EPHA7: variants seen among roughly 807,000 people sequenced by gnomAD.
The protein encoded by EPHA7 is ephrin type-A receptor 7.
In EPHA7, 25 loss-of-function variants were observed where a neutral mutation model predicts 112.6. The observed-to-expected ratio is 0.22, with a 90% CI of 0.16 to 0.31. The LOEUF is 0.31. Ranked by LOEUF, EPHA7 falls within the 10% of genes least tolerant of loss-of-function variation. The pLI is 1.00. For missense variants in EPHA7, 962 were observed against 1,212.6 expected, an observed-to-expected ratio of 0.79 and a Z score of 3.07; for synonymous variants, 437 against 406.5, an observed-to-expected ratio of 1.07 and a Z score of -0.90.
intron 5 of EPHA7, among the ~76,000 whole-genome samples, chr6:93,347,350 C>T (rs377271597): frequency 6.6e-6 from 1 of 151,780 alleles, no homozygotes; most frequent in East Asian, 1.9e-4. Context: ...AAAAACCTGT[C>T]TTGGACATTG....
chr6:93,400,507 T>C (rs1306306138), intron 3 of EPHA7, among the ~76,000 whole-genome samples: 1 of 152,084 alleles, frequency 6.6e-6, no homozygotes, highest in Non-Finnish European at 1.5e-5. Flanking sequence ...AACTCTCTTT[T>C]AGAAAGAATG....
Position 93,305,526 on chromosome 6 carries a change from C to T in EPHA7, c.1325-33104G>A, listed in dbSNP as rs528939787. On this transcript the variant is annotated intron_variant, in intron 5 of 16. Coordinates refer to ENST00000369303, the MANE Select transcript of EPHA7 (RefSeq NM_004440.4). ...AGCCTGTGTGAGAAAGAAATATTTCCTGGTAACCAAAGAAGCAAAATACAT... is the reference window on the plus strand; with the variant it reads ...AGCCTGTGTGAGAAAGAAATATTTCTTGGTAACCAAAGAAGCAAAATACAT... Among the ~76,000 whole-genome samples, 7 of 151,920 alleles carry T rather than the reference C, an allele frequency of 4.6e-5. No individual in the cohort carries two copies. In the South Asian group the frequency reaches 1.2e-3, roughly 27 times the overall value.
intron 5 of EPHA7, among the ~76,000 whole-genome samples, chr6:93,328,472 T>C (rs1774431934): frequency 6.6e-6 from 1 of 151,426 alleles, no homozygotes; most frequent in African/African-American, 2.4e-5. Flanking sequence ...AGGGAAAACA[T>C]TTCACTGGTG....
chr6:93,272,041 T>C (rs906712349), intron 6 of EPHA7, among the ~76,000 whole-genome samples: 1 of 151,776 alleles, frequency 6.6e-6, no homozygotes, highest in Non-Finnish European at 1.5e-5. Flanking sequence ...ATATCAGAAA[T>C]TGAATAAATA....
At chr6:93,357,948 C>T (rs934798415) in intron 4 of EPHA7, among the ~76,000 whole-genome samples, 2 of 152,108 alleles carry the variant, frequency 1.3e-5, no homozygotes, top group African/African-American at 2.4e-5. Context: ...GCATGAGCCA[C>T]CCTGCCTGAC....
chr6:93,289,457 A>T (rs1471215254), intron 5 of EPHA7, among the ~76,000 whole-genome samples: 1 of 150,622 alleles, frequency 6.6e-6, no homozygotes, highest in East Asian at 1.9e-4. Context: ...GTCTCTACTA[A>T]AAATACAAAA....
At chr6:93,292,460 G>A (rs541163660) in intron 5 of EPHA7, among the ~76,000 whole-genome samples, 1 of 151,980 alleles carries the variant, frequency 6.6e-6, no homozygotes, top group Non-Finnish European at 1.5e-5. Context: ...GAAGAGACAG[G>A]CAGAAATGCA....
At chr6:93,353,554 A>G (rs573832511) in intron 5 of EPHA7, among the ~76,000 whole-genome samples, 126 of 152,170 alleles carry the variant, frequency 8.3e-4, no homozygotes, top group Non-Finnish European at 1.5e-3. Context: ...TTCTGCAGAT[A>G]AAGAAATTGG....
rs1776195764 is a variant in EPHA7, at chr6:93,360,299, C to T, written c.833-1888G>A. ...TTTTTAAAATATTCATTGTATCTTGCTTTATGTATTATTTGTAATTCAAAG... is the reference window on the plus strand; with the variant it reads ...TTTTTAAAATATTCATTGTATCTTGTTTTATGTATTATTTGTAATTCAAAG... On this transcript the variant is annotated intron_variant, in intron 3 of 16. Transcript: ENST00000369303. 2.1e-5 allele frequency among the ~76,000 whole-genome samples: 3 copies of T among 146,136 alleles called. No individual in the cohort carries two copies. The Admixed American group carries it at 2.1e-4, about 10-fold the overall frequency.
At chr6:93,272,820 T>G (rs1334378987) in intron 5 of EPHA7, among the ~76,000 whole-genome samples, 1 of 152,010 alleles carries the variant, frequency 6.6e-6, no homozygotes, top group Non-Finnish European at 1.5e-5. Context: ...AAAAATAATT[T>G]AATATGATGC....
intron 10 of EPHA7, 138 bp from the exon 11 acceptor site, chr6:93,258,422 T>A: frequency 1.1e-6 from 1 of 934,074 alleles, no homozygotes; most frequent in Non-Finnish European, 1.6e-6. Context: ...CAAAAATACT[T>A]GGTAAAGCCC....
chr6:93,370,491 T>C (rs1216948235), intron 3 of EPHA7, among the ~76,000 whole-genome samples: 1 of 152,200 alleles, frequency 6.6e-6, no homozygotes, highest in African/African-American at 2.4e-5. Flanking sequence ...AACAGAAATA[T>C]CACTGATTCT....
rs991714700 is a variant in EPHA7, at chr6:93,374,073, C to T, written c.833-15662G>A. On this transcript the variant is annotated intron_variant, in intron 3 of 16. Transcript: ENST00000369303. Reference sequence around the variant, plus strand: ...AGAGAGCCTCAAAATAACATGAAGTCGCACTAGAGGTATTTAACCAGAGCT... The same window carrying T: ...AGAGAGCCTCAAAATAACATGAAGTTGCACTAGAGGTATTTAACCAGAGCT... 2.0e-5 allele frequency among the ~76,000 whole-genome samples: 3 copies of T among 152,138 alleles called. No homozygotes were observed. In the East Asian group the frequency reaches 5.8e-4, roughly 29 times the overall value.
intron 5 of EPHA7, among the ~76,000 whole-genome samples, chr6:93,309,885 T>C (rs1445621148): frequency 6.6e-6 from 1 of 152,164 alleles, no homozygotes; most frequent in Admixed American, 6.5e-5. Context: ...GAAAATAACA[T>C]TTTTTAATTT....
chr6:93,304,903 C>A (rs1033439538), intron 5 of EPHA7, among the ~76,000 whole-genome samples: 2 of 151,990 alleles, frequency 1.3e-5, no homozygotes, highest in Non-Finnish European at 2.9e-5. Context: ...TGCTTCCTTT[C>A]CTCTTCTACA....
At chr6:93,412,145 A>G (rs969895937) in intron 2 of EPHA7, among the ~76,000 whole-genome samples, 56 of 152,068 alleles carry the variant, frequency 3.7e-4, no homozygotes, top group African/African-American at 1.3e-3. Context: ...ACAATTATTA[A>G]TAATTTTCCC....
At position 93,358,375 on chromosome 6, in the gene EPHA7, T is replaced by A; in HGVS notation, c.869A>T (p.Asp290Val). ...GRGFYKSSSQ[D>V]LQCSRCPTHS... ...AGTTGGACAACGAGAGCACTGAAGA[T>A]CTTGAGAGGAAGACTTGTAGAACCC... Residue 290 changes from aspartate to valine, a missense_variant, in exon 4 of 17, where the codon GAT (aspartate) becomes GTT (valine). By Grantham distance (152) the Asp-to-Val change is radical. Around this residue, in one of 3 missense-constraint regions of EPHA7, gnomAD observed 746 missense variants for 889.2 expected, o/e 0.84. Transcript: ENST00000369303. 1 of 1,612,160 alleles carries A rather than the reference T, an allele frequency of 6.2e-7. No homozygotes were observed. The highest frequency in any genetic ancestry group is 8.5e-7 in the Non-Finnish European group (1 of 1,178,948).
Position 93,415,640 on chromosome 6 carries a change from C to G in EPHA7, c.98-873G>C, listed in dbSNP as rs80160964. ...CAATTACTCTTCTAAAGCACTCACTCTTTTGGTCAAACTGGTTTCAGAGTT... is the reference window on the plus strand; with the variant it reads ...CAATTACTCTTCTAAAGCACTCACTGTTTTGGTCAAACTGGTTTCAGAGTT... On this transcript the variant is annotated intron_variant, in intron 1 of 16. Transcript: ENST00000369303. 6.3e-3 allele frequency among the ~76,000 whole-genome samples: 959 copies of G among 152,096 alleles called. 11 individuals carry two copies. The highest frequency in any genetic ancestry group is 0.022 in the African/African-American group (907 of 41,528).
chr6:93,315,642 G>T (rs1773769349), intron 5 of EPHA7, among the ~76,000 whole-genome samples: 2 of 152,132 alleles, frequency 1.3e-5, no homozygotes, highest in South Asian at 4.1e-4. Context: ...ATGAATAAGT[G>T]ATTTGGCTTC....
Sources: gnomAD v4.1 joint callset for allele counts (sites outside exome capture counted in the v4.1 genomes callset) on GRCh38, gnomAD v4.1.1 for gene constraint, gnomAD v4.1.1 regional missense constraint, MANE v1.5 for transcripts, NCBI Gene and HGNC (gene_info 2026-07-23, HGNC 2026-07-21) for gene names.